Variants in SUGCT observed in about 807,000 individuals in gnomAD.
SUGCT encodes succinyl-CoA:glutarate CoA-transferase.
A neutral mutation model predicts 55.0 loss-of-function variants in SUGCT; 41 were observed. That is an observed-to-expected ratio of 0.74 (90% CI 0.58 to 0.97). The LOEUF is 0.97. Among genes scored for constraint, SUGCT ranks in the 50% least tolerant of loss-of-function variants. The pLI, the probability that SUGCT is intolerant of heterozygous loss-of-function variation, is 0.00. For synonymous variants in SUGCT, 187 were observed against 200.4 expected (o/e 0.93, Z 0.56); for missense variants, 568 against 547.8 (o/e 1.04, Z -0.37).
At chr7:40,707,136 T>C (rs1785458881) in intron 12 of SUGCT, among the ~76,000 whole-genome samples, 1 of 152,086 alleles carries the variant, frequency 6.6e-6, no homozygotes, top group South Asian at 2.1e-4. Flanking sequence ...TCAGATTACA[T>C]GAATTTACAC....
chr7:40,568,230 T>A (rs1332977947), intron 12 of SUGCT, among the ~76,000 whole-genome samples: 1 of 152,200 alleles, frequency 6.6e-6, no homozygotes, highest in African/African-American at 2.4e-5. Flanking sequence ...TTTGTGATGC[T>A]GTACCACATT....
chr7:40,316,882 G>T (rs368702473), intron 9 of SUGCT, 27 bp downstream of exon 9: 1 of 1,281,342 alleles, frequency 7.8e-7, no homozygotes, highest in Non-Finnish European at 1.1e-6. Context: ...CTAGGGTTGG[G>T]CTGTTGTAAT....
At chr7:40,608,376 C>T (rs141349348) in intron 12 of SUGCT, among the ~76,000 whole-genome samples, 17 of 152,132 alleles carry the variant, frequency 1.1e-4, no homozygotes, top group African/African-American at 3.1e-4. Context: ...GGGTCATTTT[C>T]GTAGGGTAAC....
intron 11 of SUGCT, among the ~76,000 whole-genome samples, chr7:40,490,554 T>G (rs1791622727): frequency 6.6e-6 from 1 of 152,174 alleles, no homozygotes; most frequent in Non-Finnish European, 1.5e-5. Context: ...TTTTCTCAGT[T>G]TTTTGGTGCA....
Position 40,793,614 on chromosome 7 carries a change from G to A in SUGCT, c.1153+44117G>A, listed in dbSNP as rs141581659. 3.9e-4 allele frequency among the ~76,000 whole-genome samples: 60 copies of A among 152,148 alleles called. No individual in the cohort carries two copies. The East Asian group carries it at 0.011, about 29-fold the overall frequency. Reference sequence around the variant, plus strand: ...TTGTTTTTGCAGTTTTACTAAAAATGTAAGATGTATCTAGGTATGGATTTA... The same window carrying A: ...TTGTTTTTGCAGTTTTACTAAAAATATAAGATGTATCTAGGTATGGATTTA... On this transcript the variant is annotated intron_variant, in intron 13 of 13. Coordinates refer to ENST00000335693, the MANE Select transcript of SUGCT (RefSeq NM_001193313.2).
intron 13 of SUGCT, among the ~76,000 whole-genome samples, chr7:40,830,864 A>G (rs1438899944): frequency 6.6e-6 from 1 of 152,128 alleles, no homozygotes; most frequent in African/African-American, 2.4e-5. Context: ...AAATCCACTT[A>G]TTTTTACTCT....
At chr7:40,835,984 C>T (rs1336769900) in intron 13 of SUGCT, among the ~76,000 whole-genome samples, 2 of 151,110 alleles carry the variant, frequency 1.3e-5, no homozygotes, top group Non-Finnish European at 2.9e-5. Context: ...CCTTGATTTC[C>T]CAAGCTCAAG....
intron 12 of SUGCT, among the ~76,000 whole-genome samples, chr7:40,550,496 G>C (rs950147363): frequency 6.6e-6 from 1 of 152,144 alleles, no homozygotes; most frequent in South Asian, 2.1e-4. Flanking sequence ...ATTCCATCAA[G>C]AACTGTTTAT....
chr7:40,393,958 A>G (rs1317939777), intron 9 of SUGCT, among the ~76,000 whole-genome samples: 1 of 152,222 alleles, frequency 6.6e-6, no homozygotes, highest in African/African-American at 2.4e-5. Flanking sequence ...CAGCAACAAA[A>G]GCAACCAAAG....
chr7:40,752,606 T>G (rs562298657), intron 13 of SUGCT, among the ~76,000 whole-genome samples: 222 of 152,282 alleles, frequency 1.5e-3, no homozygotes, highest in African/African-American at 5.2e-3. Context: ...TCCACCTGCC[T>G]CGGCCTCCCA....
At chr7:40,144,674 T>C (rs962675740) in intron 1 of SUGCT, among the ~76,000 whole-genome samples, 2 of 152,200 alleles carry the variant, frequency 1.3e-5, no homozygotes, top group African/African-American at 4.8e-5. Context: ...ATAAACCAAG[T>C]ATACAATTTC....
intron 12 of SUGCT, among the ~76,000 whole-genome samples, chr7:40,532,637 T>C (rs1395141441): frequency 1.3e-5 from 2 of 151,930 alleles, no homozygotes; most frequent in Non-Finnish European, 2.9e-5. Context: ...TAGAGTTGAT[T>C]CTAGGTAAGC....
chr7:40,480,113 T>G (rs375357052), intron 11 of SUGCT, among the ~76,000 whole-genome samples: 36 of 152,272 alleles, frequency 2.4e-4, no homozygotes, highest in African/African-American at 7.9e-4. Context: ...ATTAGGAAAC[T>G]TTCCCCCCAT....
chr7:40,872,603 G>A, the SUGCT span, among the ~76,000 whole-genome samples: 2 of 152,144 alleles, frequency 1.3e-5, no homozygotes, highest in South Asian at 2.1e-4. Context: ...GGGCTCTGAG[G>A]ACATAATTTC....
At chr7:40,192,039 C>T (rs531427221) in intron 5 of SUGCT, among the ~76,000 whole-genome samples, 157 of 129,888 alleles carry the variant, frequency 1.2e-3, no homozygotes, top group African/African-American at 4.2e-3. Context: ...ACCCGACAGG[C>T]GGAGGTTGCA....
the SUGCT span, among the ~76,000 whole-genome samples, chr7:40,900,174 G>C: frequency 6.6e-6 from 1 of 152,242 alleles, no homozygotes; most frequent in Non-Finnish European, 1.5e-5. Context: ...GCAGCCTCCA[G>C]CTTCTCTGCG....
At chr7:40,972,192 C>T in the SUGCT span, among the ~76,000 whole-genome samples, 5 of 152,022 alleles carry the variant, frequency 3.3e-5, no homozygotes, top group Non-Finnish European at 5.9e-5. Context: ...ATATACATCC[C>T]GAAGCCATTC....
chr7:40,430,742 C>G (rs1787848024), intron 9 of SUGCT, among the ~76,000 whole-genome samples: 1 of 152,076 alleles, frequency 6.6e-6, no homozygotes, highest in Non-Finnish European at 1.5e-5. Flanking sequence ...CCTATGTTCT[C>G]TTCTAGGAGT....
intron 8 of SUGCT, among the ~76,000 whole-genome samples, chr7:40,291,345 G>T (rs1054276818): frequency 4.0e-5 from 6 of 151,158 alleles, no homozygotes; most frequent in African/African-American, 7.3e-5. Flanking sequence ...ATGAGTTCAT[G>T]TCCTTTGCAG....
Sources: allele counts gnomAD v4.1 joint callset (sites outside exome capture counted in the v4.1 genomes callset), GRCh38; gene constraint gnomAD v4.1.1; transcripts MANE v1.5; gene names NCBI Gene and HGNC (gene_info 2026-07-23, HGNC 2026-07-21).